Variants in EYA1 observed in about 807,000 individuals in gnomAD.
The protein encoded by EYA1 is protein phosphatase EYA1.
EYA1 carries 16 observed loss-of-function variants against 82.0 expected under a neutral mutation model. The observed-to-expected ratio is 0.20, with a 90% CI of 0.13 to 0.30. EYA1 has a LOEUF of 0.30. Ranked by LOEUF, EYA1 falls within the 10% of genes least tolerant of loss-of-function variation. The pLI is 1.00. For missense variants in EYA1, 633 were observed against 730.7 expected (o/e 0.87, Z 1.54); for synonymous variants, 261 against 264.4 (o/e 0.99, Z 0.12).
rs72654137 is a variant in EYA1, at chr8:71,274,935, T to A, written c.827-3038A>T. On this transcript the variant is annotated intron_variant, in intron 9 of 17. Coordinates refer to ENST00000340726, the MANE Select transcript of EYA1 (RefSeq NM_000503.6). ...GCGAGAGAGAGAGAATGAGAGCGAGTGAACGAGAGCAAGCGAGTGAACAAG... is the reference window on the plus strand; with the variant it reads ...GCGAGAGAGAGAGAATGAGAGCGAGAGAACGAGAGCAAGCGAGTGAACAAG... Among the ~76,000 whole-genome samples, 56 of 63,134 alleles carry A rather than the reference T, an allele frequency of 8.9e-4. No individual in the cohort carries two copies. The East Asian group carries it at 0.034, about 38-fold the overall frequency. 41.4% of individuals were successfully genotyped at this position (63,134 alleles called of 152,430 possible).
At chr8:71,297,197 T>G (rs1175497372) in intron 9 of EYA1, among the ~76,000 whole-genome samples, 1 of 152,188 alleles carries the variant, frequency 6.6e-6, no homozygotes, top group African/African-American at 2.4e-5. Context: ...CATTCACTCT[T>G]AAAACCATGG....
rs749591843 is a variant in EYA1, at chr8:71,262,043, C to A, written c.1050+7697G>T. ...TCATGGCATTCCCATGCCCACAGAACGAAATCCTGGCACTCAATGCTCTCT... is the reference window on the plus strand; with the variant it reads ...TCATGGCATTCCCATGCCCACAGAAAGAAATCCTGGCACTCAATGCTCTCT... On this transcript the variant is annotated intron_variant, in intron 11 of 17. Transcript: ENST00000340726. Among the ~76,000 whole-genome samples, 3 of 152,216 alleles carry A rather than the reference C, an allele frequency of 2.0e-5. No individual in the cohort carries two copies. The East Asian group carries it at 5.8e-4, about 29-fold the overall frequency.
intron 2 of EYA1, among the ~76,000 whole-genome samples, chr8:71,472,788 G>T (rs202052398): frequency 3.4e-4 from 43 of 126,838 alleles, no homozygotes; most frequent in Non-Finnish European, 6.7e-4. Flanking sequence ...TAGCTTTGAA[G>T]ATATATATAT....
intron 2 of EYA1, among the ~76,000 whole-genome samples, chr8:71,444,133 G>T (rs1469556406): frequency 3.3e-5 from 5 of 152,190 alleles, no homozygotes; most frequent in Non-Finnish European, 5.9e-5. Flanking sequence ...CCTATGCACA[G>T]ATAACCTCTA....
intron 2 of EYA1, among the ~76,000 whole-genome samples, chr8:71,397,605 T>G (rs1338971755): frequency 6.6e-6 from 1 of 152,258 alleles, no homozygotes; most frequent in Non-Finnish European, 1.5e-5. Context: ...TTAAGAATGT[T>G]GAATATTGGC....
At position 71,411,337 on chromosome 8, in the gene EYA1, A is replaced by G. The variant is rs866062280; in HGVS notation, c.34-54826T>C. ...AGGCGTGGGCAAGGACTTCATGTCCAAAACACCAAAAGCAATGGCAACAAA... is the reference window on the plus strand; with the variant it reads ...AGGCGTGGGCAAGGACTTCATGTCCGAAACACCAAAAGCAATGGCAACAAA... On this transcript the variant is annotated intron_variant, in intron 2 of 18. Transcript: ENST00000643681. Among the ~76,000 whole-genome samples, 226 of 41,534 alleles carry G rather than the reference A, an allele frequency of 5.4e-3. 1 individual carries two copies. The highest frequency in any genetic ancestry group is 0.014 in the Middle Eastern group (2 of 142). 27.2% of individuals were successfully genotyped at this position (41,534 alleles called of 152,430 possible).
chr8:71,273,112 T>C (rs1223680344), intron 9 of EYA1, among the ~76,000 whole-genome samples: 2 of 152,256 alleles, frequency 1.3e-5, no homozygotes, highest in East Asian at 1.9e-4. Context: ...AATTTCTGTT[T>C]CTAAATCACA....
At chr8:71,265,225 T>A (rs969700122) in intron 11 of EYA1, among the ~76,000 whole-genome samples, 3 of 151,678 alleles carry the variant, frequency 2.0e-5, no homozygotes, top group African/African-American at 7.3e-5. Context: ...TTTGTTGAAA[T>A]TTTTTTTTAT....
At chr8:71,401,281 A>C (rs1829943921) in intron 2 of EYA1, among the ~76,000 whole-genome samples, 1 of 152,212 alleles carries the variant, frequency 6.6e-6, no homozygotes, top group Non-Finnish European at 1.5e-5. Context: ...TGTATCCCAG[A>C]ACTTAAAATA....
chr8:71,250,037 G>GTT (rs113001711), intron 11 of EYA1, among the ~76,000 whole-genome samples: 3 of 141,942 alleles, frequency 2.1e-5, no homozygotes, highest in Non-Finnish European at 3.1e-5. Flanking sequence ...TTGCTTTCTT[G>GTT]TTTTTTTTTT....
rs184054495 is a variant in EYA1 at position 71,258,831 on chromosome 8, T to A, written c.1050+10909A>T. Among the ~76,000 whole-genome samples the A allele has an allele frequency of 1.7e-4, 26 of 152,318 alleles. No individual in the cohort carries two copies. In the East Asian group the frequency reaches 5.0e-3, roughly 29 times the overall value. On this transcript the variant is annotated intron_variant, in intron 11 of 17. Transcript: ENST00000340726. ...CTGTTTTGAAGGCGGTATGTATTTATCCTCAATTCTCTTGACCTCTTTGGA... is the reference window on the plus strand; with the variant it reads ...CTGTTTTGAAGGCGGTATGTATTTAACCTCAATTCTCTTGACCTCTTTGGA...
chr8:71,415,285 A>G (rs534429494), intron 2 of EYA1, among the ~76,000 whole-genome samples: 12 of 152,326 alleles, frequency 7.9e-5, no homozygotes, highest in African/African-American at 2.9e-4. Context: ...AACTAATCTT[A>G]TTATAACAAC....
At chr8:71,228,055 T>G (rs1291905679) in intron 12 of EYA1, among the ~76,000 whole-genome samples, 2 of 152,206 alleles carry the variant, frequency 1.3e-5, no homozygotes, top group Non-Finnish European at 2.9e-5. Context: ...TTCTCTGCCA[T>G]GTAATTATTA....
At chr8:71,395,108 A>G (rs933207644) in intron 2 of EYA1, among the ~76,000 whole-genome samples, 2 of 152,188 alleles carry the variant, frequency 1.3e-5, no homozygotes, top group Admixed American at 6.5e-5. Flanking sequence ...TTATTGGTGT[A>G]TAAGAATGCT....
intron 2 of EYA1, among the ~76,000 whole-genome samples, chr8:71,511,660 G>T (rs752251806): frequency 8.5e-5 from 13 of 152,120 alleles, no homozygotes; most frequent in Non-Finnish European, 1.2e-4. Context: ...GAAGAGAGGT[G>T]CCTGCATATC....
At chr8:71,360,809 A>C (rs1390992603) in intron 1 of EYA1, among the ~76,000 whole-genome samples, 2 of 152,222 alleles carry the variant, frequency 1.3e-5, no homozygotes, top group African/African-American at 4.8e-5. Flanking sequence ...TTAAGAAATA[A>C]AACAAAAACG....
chr8:71,288,545 G>A (rs570560544), intron 9 of EYA1, among the ~76,000 whole-genome samples: 5 of 152,310 alleles, frequency 3.3e-5, no homozygotes, highest in Admixed American at 6.5e-5. Flanking sequence ...TACAGTCGAT[G>A]CTAAACGAAA....
At chr8:71,398,418 C>T (rs550814623) in intron 2 of EYA1, among the ~76,000 whole-genome samples, 48 of 152,276 alleles carry the variant, frequency 3.2e-4, no homozygotes, top group Non-Finnish European at 5.0e-4. Flanking sequence ...TTTCTTCCCA[C>T]CTTTGTGGTT....
At chr8:71,543,798 T>C (rs1361607056) in intron 1 of EYA1, among the ~76,000 whole-genome samples, 2 of 152,196 alleles carry the variant, frequency 1.3e-5, no homozygotes, top group Non-Finnish European at 2.9e-5. Flanking sequence ...AATATTAAGA[T>C]TCAATTGATA....
Sources: allele counts gnomAD v4.1 joint callset (sites outside exome capture counted in the v4.1 genomes callset), GRCh38; gene constraint gnomAD v4.1.1; transcripts MANE v1.5; gene names NCBI Gene and HGNC (gene_info 2026-07-23, HGNC 2026-07-21).